Variants in ATPAF2 observed in about 807,000 individuals in gnomAD.
The protein encoded by ATPAF2 is ATP synthase mitochondrial F1 complex assembly factor 2, also known as ATP12 homolog.
ATPAF2 carries 30 observed loss-of-function variants against 36.6 expected under a neutral mutation model. That is an observed-to-expected ratio of 0.82 (90% CI 0.61 to 1.11). ATPAF2 has a LOEUF of 1.11. ATPAF2 is among the 50% of genes most tolerant of loss of function. The pLI, the probability that ATPAF2 is intolerant of heterozygous loss-of-function variation, is 0.00. For missense variants in ATPAF2, 321 were observed against 372.3 expected (o/e 0.86, Z 1.13); for synonymous variants, 140 against 152.6 (o/e 0.92, Z 0.61).
chr17:18,019,623 G>A (rs1356887985), intron 7 of ATPAF2, among the ~76,000 whole-genome samples: 1 of 152,242 alleles, frequency 6.6e-6, no homozygotes, highest in Non-Finnish European at 1.5e-5. Flanking sequence ...GACACACGAT[G>A]TGGCTGTCCA....
intron 1 of ATPAF2, among the ~76,000 whole-genome samples, chr17:18,035,507 C>T (rs1213241906): frequency 1.3e-5 from 2 of 152,158 alleles, no homozygotes; most frequent in East Asian, 1.9e-4. Context: ...ATTATATTTA[C>T]ACTTCAAGTA....
At chr17:18,016,185 T>C (rs1568556345), downstream of ATPAF2, 10 of 1,613,834 alleles carry the variant, frequency 6.2e-6, no homozygotes, top group Non-Finnish European at 8.5e-6. Flanking sequence ...TGTACACGTT[T>C]AATAGACAGG....
At chr17:18,034,769 C>T (rs1252662687) in intron 1 of ATPAF2, among the ~76,000 whole-genome samples, 1 of 152,032 alleles carries the variant, frequency 6.6e-6, no homozygotes, top group African/African-American at 2.4e-5. Flanking sequence ...CACACAAAAA[C>T]TTGTACATGA....
chr17:18,026,429 CA>C lies in ATPAF2; in HGVS notation c.325-14del. 6.2e-7 allele frequency: 1 copy of C among 1,609,332 alleles called. No homozygotes were observed. Among genetic ancestry groups the C allele is most frequent in the East Asian group, 2.2e-5 (1 of 44,868 alleles). On this transcript the variant is annotated splice_polypyrimidine_tract_variant and intron_variant, in intron 3 of 7. Transcript: ENST00000474627. ...TGCACAATGTGGTCTGAATCAAAGG[CA>C]AAAACCACCCTGTCACTGCCTGCGG...
chr17:18,026,701 T>C (rs928342696), intron 3 of ATPAF2: 1 of 524,756 alleles, frequency 1.9e-6, no homozygotes, highest in Non-Finnish European at 3.4e-6. Context: ...ATTACCAGGC[T>C]CTAGTGTATT....
downstream of ATPAF2, chr17:18,016,099 C>A (rs750647840): frequency 3.1e-6 from 5 of 1,613,872 alleles, no homozygotes; most frequent in Non-Finnish European, 3.4e-6. Context: ...TTAATGCTGT[C>A]GGGGCATCGC....
At chr17:18,031,197 G>A (rs562758396) in intron 1 of ATPAF2, among the ~76,000 whole-genome samples, 1 of 150,014 alleles carries the variant, frequency 6.7e-6, no homozygotes. Context: ...GGATGGTCTC[G>A]ATCTCCTGAC....
Position 18,028,229 on chromosome 17 carries a change from T to C in ATPAF2, c.324+3A>G. ...GTCCAGGTTCACACTGTGAACTTGT[T>C]ACCAGGTGCATGGTGTAGTACTTGA... On this transcript the variant is annotated splice_donor_region_variant and intron_variant, in intron 3 of 7. Coordinates refer to ENST00000474627, the MANE Select transcript of ATPAF2 (RefSeq NM_145691.4). 1 of 1,614,192 alleles carries C rather than the reference T, an allele frequency of 6.2e-7. No homozygotes were observed. Among genetic ancestry groups the C allele is most frequent in the Non-Finnish European group, 8.5e-7 (1 of 1,180,034 alleles).
downstream of ATPAF2, chr17:18,016,696 T>A (rs760642774): frequency 6.7e-7 from 1 of 1,491,014 alleles, no homozygotes; most frequent in Admixed American, 1.7e-5. Flanking sequence ...CAGGAGCTTC[T>A]TCAAAACATA....
At chr17:18,031,930 A>G (rs143449727) in intron 1 of ATPAF2, among the ~76,000 whole-genome samples, 1 of 152,194 alleles carries the variant, frequency 6.6e-6, no homozygotes, top group Non-Finnish European at 1.5e-5. Flanking sequence ...TACTGCTTTT[A>G]AATTTCTCTA....
At chr17:18,030,992 AGATGGAGTCTCACTT>A (rs2044625292) in intron 1 of ATPAF2, among the ~76,000 whole-genome samples, 2 of 57,830 alleles carry the variant, frequency 3.5e-5, no homozygotes, top group East Asian at 5.6e-4. Flanking sequence ...TTTTTTTTTG[AGATGGAGTCTCACTT>A]TGTCGCCCAG....
downstream of ATPAF2, among the ~76,000 whole-genome samples, chr17:18,017,089 T>C (rs1305629076): frequency 2.9e-5 from 4 of 137,128 alleles, no homozygotes; most frequent in Non-Finnish European, 6.0e-5. Flanking sequence ...GGAGAATCAC[T>C]TGAACCTGGG....
chr17:18,036,260 G>A (rs1339149486), intron 1 of ATPAF2, among the ~76,000 whole-genome samples: 1 of 151,992 alleles, frequency 6.6e-6, no homozygotes, highest in Non-Finnish European at 1.5e-5. Flanking sequence ...CTCACAACTG[G>A]TAAGGTCTTT....
In ATPAF2 at chr17:18,018,681, C is replaced by T. The variant is rs33997182; in HGVS notation, c.738G>A (p.Gln246=). 53,440 of 1,614,012 alleles carry T rather than the reference C, an allele frequency of 0.033. 1,059 individuals carry two copies. Among genetic ancestry groups the T allele is most frequent in the Middle Eastern group, 0.048 (288 of 6,060 alleles). The change falls in exon 8 of 8, where the codon CAG becomes CAA. Residue 246 remains glutamine, a synonymous_variant. Coordinates refer to ENST00000474627, the MANE Select transcript of ATPAF2 (RefSeq NM_145691.4). ...LSRLEEEYQI[Q]KWGNIEWAHD... ...GGGCCCACTCAATGTTGCCCCACTT[C>T]TGGATCTGAGGGAAGGACAAGACAA...
downstream of ATPAF2, chr17:18,016,649 A>C (rs749862437): frequency 4.3e-6 from 7 of 1,612,862 alleles, no homozygotes; most frequent in South Asian, 3.3e-5. Context: ...GACAACCTGG[A>C]ATGTGGCGAC....
At chr17:18,037,717 TCA>T (rs1461523692) in intron 1 of ATPAF2, among the ~76,000 whole-genome samples, 1 of 152,190 alleles carries the variant, frequency 6.6e-6, no homozygotes, top group Non-Finnish European at 1.5e-5. Flanking sequence ...CACACAGACC[TCA>T]GAGGTTCAGC....
chr17:18,021,730 A>G lies in ATPAF2; in HGVS notation c.616+15T>C, dbSNP rs942295101. On this transcript the variant is annotated intron_variant, in intron 6 of 7. Coordinates refer to ENST00000474627, the MANE Select transcript of ATPAF2 (RefSeq NM_145691.4). ...CACAGCCACCTGCCAAGCCCACAAG[A>G]AACTCCATACATGCCTTGTAAAGCC... The G allele has an allele frequency of 1.2e-6, 2 of 1,611,414 alleles. No individual in the cohort carries two copies. The highest frequency in any genetic ancestry group is 2.7e-5 in the African/African-American group (2 of 74,868).
chr17:18,032,493 C>A (rs2044649891), intron 1 of ATPAF2, among the ~76,000 whole-genome samples: 1 of 152,178 alleles, frequency 6.6e-6, no homozygotes, highest in African/African-American at 2.4e-5. Context: ...AAAAGAAGCC[C>A]AGGGGCCGCC....
In ATPAF2 at chr17:18,038,962, G is replaced by A. The variant is rs2044749459; in HGVS notation, c.52C>T (p.Arg18Trp). 3.7e-6 allele frequency: 6 copies of A among 1,613,128 alleles called. No individual in the cohort carries two copies. Among genetic ancestry groups the A allele is most frequent in the Admixed American group, 1.7e-5 (1 of 59,908 alleles). Reference protein sequence around the residue: ...LRDGGRRLLNRPAGGPSASMS... With the variant: ...LRDGGRRLLNWPAGGPSASMS... ...GAAGCGCTGGGGCCACCCGCCGGCC[G>A]ATTCAGGAGACGGCGTCCCCCGTCC... The change falls in exon 1 of 8, where the codon CGG becomes TGG. Residue 18 changes from arginine (R) to tryptophan (W), a missense_variant. Physicochemically the swap from Arg to Trp is moderately radical, Grantham distance 101. This residue lies in a region of ATPAF2 where 69 missense variants were observed against 60.1 expected (regional missense o/e 1.15). Coordinates refer to ENST00000474627, the MANE Select transcript of ATPAF2 (RefSeq NM_145691.4).
Sources: allele counts gnomAD v4.1 joint callset (sites outside exome capture counted in the v4.1 genomes callset), GRCh38; gene constraint gnomAD v4.1.1; regional missense constraint gnomAD v4.1.1; transcripts MANE v1.5; gene names NCBI Gene and HGNC (gene_info 2026-07-23, HGNC 2026-07-21).